Variants in PCDHGA5 observed in about 807,000 individuals in gnomAD.
PCDHGA5 encodes protocadherin gamma-A5.
A neutral mutation model predicts 56.7 loss-of-function variants in PCDHGA5; 36 were observed. That is an observed-to-expected ratio of 0.64 (90% CI 0.49 to 0.84). The LOEUF (loss-of-function observed/expected upper bound fraction) is 0.84. Among genes scored for constraint, PCDHGA5 ranks in the 40% least tolerant of loss-of-function variants. The pLI is 0.00. For missense variants in PCDHGA5, 1,305 were observed against 1,201.5 expected (o/e 1.09, Z -1.27); for synonymous variants, 563 against 520.2 (o/e 1.08, Z -1.12).
In PCDHGA5 at chr5:141,364,913, G is replaced by A. The variant is rs1337882112; in HGVS notation, c.583G>A (p.Val195Met). Residue 195 changes from valine to methionine, a missense_variant, in exon 1 of 4, where the codon GTG becomes ATG. Val to Met is a conservative substitution (Grantham distance 21, BLOSUM62 1). Coordinates refer to ENST00000518069, the MANE Select transcript of PCDHGA5 (RefSeq NM_018918.3). ...GTDGQKYPEL[V>M]LEQPLDREKE... ...TGATGGACAAAAGTATCCGGAGCTG[G>A]TGTTGGAACAGCCCCTAGACCGCGA... 2 of 1,613,990 alleles carry A rather than the reference G, an allele frequency of 1.2e-6. No individual in the cohort carries two copies. Among genetic ancestry groups the A allele is most frequent in the South Asian group, 2.2e-5 (2 of 91,086 alleles).
At chr5:141,398,199 G>A in intron 1 of PCDHGA5, 1 of 1,491,242 alleles carries the variant, frequency 6.7e-7, no homozygotes, top group South Asian at 1.3e-5. Flanking sequence ...TGCTGTCTTT[G>A]TTCTGCCCGG....
At chr5:141,472,980 C>CAAAAAA (rs60579131) in intron 1 of PCDHGA5, among the ~76,000 whole-genome samples, 7 of 86,100 alleles carry the variant, frequency 8.1e-5, no homozygotes, top group South Asian at 4.3e-4. Context: ...GAGTGAAACT[C>CAAAAAA]AAAAAAAAAA....
chr5:141,383,102 CCA>C lies in PCDHGA5; in HGVS notation c.2421+16352_2421+16353del, dbSNP rs1253092385. ...GCGGAGCGCGGAGTCCGCATCATCT[CCA>C]GAGGTAGGACGCAGCTTTTCGCCCT... On this transcript the variant is annotated intron_variant, in intron 1 of 3. Coordinates refer to ENST00000518069, the MANE Select transcript of PCDHGA5 (RefSeq NM_018918.3). 3 of 1,614,004 alleles carry C rather than the reference CCA, an allele frequency of 1.9e-6. No homozygotes were observed. In the South Asian group the frequency reaches 3.3e-5, roughly 18 times the overall value.
In PCDHGA5 at chr5:141,398,855, A is replaced by G. The variant is rs1376506270; in HGVS notation, c.2421+32104A>G. ...GCCAATGATAATCCCCCGGTATTCA[A>G]CCGAGACGTGTACAGAGTCAGCCTT... On this transcript the variant is annotated intron_variant, in intron 1 of 3. Coordinates refer to ENST00000518069, the MANE Select transcript of PCDHGA5 (RefSeq NM_018918.3). 2.5e-6 allele frequency: 4 copies of G among 1,613,852 alleles called. No individual in the cohort carries two copies. The African/African-American group carries it at 5.3e-5, about 22-fold the overall frequency.
chr5:141,394,178 C>T (rs1180220826), intron 1 of PCDHGA5: 2 of 1,613,812 alleles, frequency 1.2e-6, no homozygotes, highest in South Asian at 2.2e-5. Flanking sequence ...TCCCTCATGC[C>T]TCCTACTCAG....
chr5:141,365,031 A>C lies in PCDHGA5; in HGVS notation c.701A>C (p.Asp234Ala), dbSNP rs766626786. The C allele has an allele frequency of 8.7e-6, 14 of 1,613,758 alleles. No homozygotes were observed. Among genetic ancestry groups the C allele is most frequent in the African/African-American group, 1.3e-5 (1 of 74,934 alleles). ...ACGCACATCCGTGTTACGGTCCTCGACGCAAACGACAATGCGCCCCTGTTC... is the reference window on the plus strand; with the variant it reads ...ACGCACATCCGTGTTACGGTCCTCGCCGCAAACGACAATGCGCCCCTGTTC... ...GTTHIRVTVL[D>A]ANDNAPLFTP... Residue 234 changes from aspartate (D) to alanine (A), a missense_variant, in exon 1 of 4, where the codon GAC (aspartate) becomes GCC (alanine). Physicochemically the swap from Asp to Ala is moderately radical, Grantham distance 126. Coordinates refer to ENST00000518069, the MANE Select transcript of PCDHGA5 (RefSeq NM_018918.3).
Position 141,459,075 on chromosome 5 carries a change from G to C in PCDHGA5, c.2422-35732G>C, listed in dbSNP as rs562572838. ...GTATAATTTATATAACATAAAATTT[G>C]CCTTTTAAAATTATACAGTGCAATG... On this transcript the variant is annotated intron_variant, in intron 1 of 3. Transcript: ENST00000518069. 4.6e-5 allele frequency among the ~76,000 whole-genome samples: 7 copies of C among 152,252 alleles called. No individual in the cohort carries two copies. The East Asian group carries it at 1.4e-3, about 29-fold the overall frequency.
chr5:141,478,882 A>G, intron 1 of PCDHGA5: 1 of 1,200,164 alleles, frequency 8.3e-7, no homozygotes. Context: ...TTAGCTTGGT[A>G]TCATTTACAT....
chr5:141,365,484 C>G lies in PCDHGA5; in HGVS notation c.1154C>G (p.Ser385Cys). The change falls in exon 1 of 4, where the codon TCT becomes TGT. Residue 385 changes from serine to cysteine, a missense_variant. By Grantham distance (112) the Ser-to-Cys change is moderately radical. Coordinates refer to ENST00000518069, the MANE Select transcript of PCDHGA5 (RefSeq NM_018918.3). ...GGAGAAAATGGTGAGATTGCATGCT[C>G]TATTCCTAGGAATTTGCCTTTTAAA... ...DSGENGEIAC[S>C]IPRNLPFKLE... The G allele has an allele frequency of 1.2e-6, 2 of 1,613,994 alleles. No homozygotes were observed. Among genetic ancestry groups the G allele is most frequent in the Non-Finnish European group, 1.7e-6 (2 of 1,179,896 alleles).
rs2154573815 is a variant in PCDHGA5 at position 141,475,798 on chromosome 5, CAAAGG to C, written c.2422-19004_2422-19000del. ...TTGGCTGGAAACTCTGGAAGGAAGC[CAAAGG>C]AAAGTGAAGTTCCTGGCGCTAGCGC... On this transcript the variant is annotated intron_variant, in intron 1 of 3. Coordinates refer to ENST00000518069, the MANE Select transcript of PCDHGA5 (RefSeq NM_018918.3). The C allele has an allele frequency of 9.7e-6, 3 of 309,052 alleles. No homozygotes were observed. The South Asian group carries it at 2.0e-4, about 21-fold the overall frequency. 19.1% of individuals were successfully genotyped at this position (309,052 alleles called of 1,614,324 possible).
Position 141,485,625 on chromosome 5 carries a change from G to T in PCDHGA5, c.2422-9182G>T. 6.2e-7 allele frequency: 1 copy of T among 1,611,968 alleles called. No individual in the cohort carries two copies. On this transcript the variant is annotated intron_variant, in intron 1 of 3. Transcript: ENST00000518069. This position sits in a 1 kb window ranked among gnomAD's most constrained non-coding sequence, Gnocchi z 5.7. ...GGGGAGGCAGCTCCTCCAGGACAGC[G>T]TTTCCCGTTGGAAAAGGCTCAGGAT...
intron 1 of PCDHGA5, chr5:141,426,860 A>T (rs771106873): frequency 2.6e-5 from 12 of 456,702 alleles, no homozygotes; most frequent in Admixed American, 2.3e-4. Flanking sequence ...CTCCAGAATT[A>T]GTGCTGGAGA....
intron 1 of PCDHGA5, among the ~76,000 whole-genome samples, chr5:141,438,948 G>A (rs2154558298): frequency 6.6e-6 from 1 of 152,142 alleles, no homozygotes; most frequent in Middle Eastern, 3.4e-3. Context: ...TTATAGGCAT[G>A]AGCCACCGCA....
chr5:141,419,792 G>A (rs1379811891), intron 1 of PCDHGA5: 1 of 1,614,042 alleles, frequency 6.2e-7, no homozygotes, highest in African/African-American at 1.3e-5. Flanking sequence ...CCTGCTAGTC[G>A]CTGTAAGAGA....
intron 1 of PCDHGA5, among the ~76,000 whole-genome samples, chr5:141,387,210 C>T (rs944882080): frequency 3.9e-5 from 6 of 152,012 alleles, no homozygotes; most frequent in Non-Finnish European, 5.9e-5. Context: ...CTGATACTCT[C>T]CGGAAAAAGT....
chr5:141,483,648 T>TTGTGTGTGTGTG (rs111458813), intron 1 of PCDHGA5, among the ~76,000 whole-genome samples: 51 of 149,708 alleles, frequency 3.4e-4, no homozygotes, highest in African/African-American at 1.2e-3. Context: ...GGGTGTGTGT[T>TTGTGTGTGTGTG]TGTGTGTGTG....
chr5:141,389,647 AG>A, intron 1 of PCDHGA5: 10 of 1,612,908 alleles, frequency 6.2e-6, no homozygotes, highest in Non-Finnish European at 8.5e-6. Flanking sequence ...TTGGTGACCA[AG>A]GTAGTGGCGG....
chr5:141,457,466 A>C (rs1404739941), intron 1 of PCDHGA5, among the ~76,000 whole-genome samples: 1 of 152,356 alleles, frequency 6.6e-6, no homozygotes, highest in East Asian at 1.9e-4. Context: ...ATTCACAGGA[A>C]TAAGCAGGGC....
chr5:141,389,010 C>T (rs141101630), intron 1 of PCDHGA5: 2 of 1,613,862 alleles, frequency 1.2e-6, no homozygotes, highest in African/African-American at 2.7e-5. Flanking sequence ...GGATTCCAGA[C>T]ACAATGGAGA....
Sources: gnomAD v4.1 joint callset for allele counts (sites outside exome capture counted in the v4.1 genomes callset) on GRCh38, gnomAD v4.1.1 for gene constraint, Gnocchi (gnomAD v3.1) non-coding constraint, MANE v1.5 for transcripts, NCBI Gene and HGNC (gene_info 2026-07-23, HGNC 2026-07-21) for gene names.